The following ANKS3 variants were observed in gnomAD, a reference collection of about 807,000 sequenced individuals.
The protein encoded by ANKS3 is ankyrin repeat and sterile alpha motif domain containing 3, also known as ankyrin repeat and SAM domain-containing protein 3.
In ANKS3, 62 loss-of-function variants were observed where a neutral mutation model predicts 80.7. That is an observed-to-expected ratio of 0.77 (90% CI 0.63 to 0.95). The LOEUF is 0.95. Ranked by LOEUF, ANKS3 falls within the 40% of genes least tolerant of loss-of-function variation. ANKS3 has a pLI of 0.00. For missense variants in ANKS3, 1,150 were observed against 883.6 expected, an observed-to-expected ratio of 1.30 and a Z score of -3.82; for synonymous variants, 489 against 355.3, an observed-to-expected ratio of 1.38 and a Z score of -4.23.
chr16:4,701,493 T>C lies in ANKS3; in HGVS notation c.1060A>G (p.Ser354Gly). ...CCCTGGGCTCTGGCCAGGCCCTCGC[T>C]GCTGCTGCTGCTCTGGACGGGCCCC... Reference protein sequence around the residue: ...NLGPVQSSSSSEGLARAQGLS... With the variant: ...NLGPVQSSSSGEGLARAQGLS... Residue 354 changes from serine (S) to glycine (G), a missense_variant, in exon 10 of 18, where the codon AGC becomes GGC. Ser to Gly is a moderately conservative substitution (Grantham distance 56). Transcript: ENST00000304283. 6.2e-7 allele frequency: 1 copy of C among 1,609,282 alleles called. No individual in the cohort carries two copies. Among genetic ancestry groups the C allele is most frequent in the Non-Finnish European group, 8.5e-7 (1 of 1,177,342 alleles).
At chr16:4,722,215 A>G (rs1483235923) in intron 6 of ANKS3, among the ~76,000 whole-genome samples, 1 of 151,338 alleles carries the variant, frequency 6.6e-6, no homozygotes, top group East Asian at 1.9e-4. Flanking sequence ...AGAAATTCCC[A>G]CCAATAAGTG....
At position 4,713,076 on chromosome 16, in the gene ANKS3, C is replaced by G. The variant is rs542582951; in HGVS notation, c.709+975G>C. ...CCTGAGGTTGCGAGTTCTAGACCAG[C>G]CTGACCAACATGGAGAAACCCCATC... On this transcript the variant is annotated intron_variant, in intron 7 of 17. Coordinates refer to ENST00000304283, the MANE Select transcript of ANKS3 (RefSeq NM_133450.4). 4.6e-5 allele frequency among the ~76,000 whole-genome samples: 7 copies of G among 152,126 alleles called. No homozygotes were observed. The South Asian group carries it at 1.5e-3, about 32-fold the overall frequency.
At chr16:4,699,513 T>C (rs2079781645) in intron 11 of ANKS3, 1 of 294,432 alleles carries the variant, frequency 3.4e-6, no homozygotes, top group African/African-American at 2.1e-5. Flanking sequence ...CCTCTAATTC[T>C]AGAGTCTCAG....
At chr16:4,699,206 G>C (rs772086923) in intron 11 of ANKS3, 30 bp from the exon 12 acceptor site, 29 of 1,611,682 alleles carry the variant, frequency 1.8e-5, no homozygotes, top group African/African-American at 2.7e-5. Flanking sequence ...GGTTGGGGGA[G>C]GTAGTGGCTG....
intron 6 of ANKS3, among the ~76,000 whole-genome samples, chr16:4,721,541 G>A (rs1000317532): frequency 6.6e-5 from 10 of 151,216 alleles, no homozygotes; most frequent in Non-Finnish European, 1.5e-4. Context: ...AGACCAGGAG[G>A]TCAAGGCTGC....
chr16:4,698,579 G>T lies in ANKS3; in HGVS notation c.1572C>A (p.Ala524=). The change falls in exon 14 of 18, where the codon GCC becomes GCA. Residue 524 remains alanine (A), a synonymous_variant. Coordinates refer to ENST00000304283, the MANE Select transcript of ANKS3 (RefSeq NM_133450.4). ...GCTCCTGACACACCTGGCCCCGCGTGGCCTCTACCTCCTCGCAGCGCTGCA... is the reference window on the plus strand; with the variant it reads ...GCTCCTGACACACCTGGCCCCGCGTTGCCTCTACCTCCTCGCAGCGCTGCA... ...QLHKRCEEVE[A]TRGQVCQEQE... is the part of the protein sequence containing the mutation. 1 of 1,574,808 alleles carries T rather than the reference G, an allele frequency of 6.3e-7. No individual in the cohort carries two copies.
intron 1 of ANKS3, 24 bp from the exon 2 acceptor site, chr16:4,731,603 AT>A: frequency 1.1e-6 from 1 of 918,374 alleles, no homozygotes; most frequent in Non-Finnish European, 1.3e-6. Context: ...ATATAAATTA[AT>A]TTTTCTGGAA....
At chr16:4,709,450 A>C (rs953506470) in intron 7 of ANKS3, among the ~76,000 whole-genome samples, 9 of 152,126 alleles carry the variant, frequency 5.9e-5, no homozygotes, top group African/African-American at 2.2e-4. Flanking sequence ...GAGATCCAGC[A>C]ATTCCACTAC....
chr16:4,715,028 C>T (rs1596400335), intron 6 of ANKS3, among the ~76,000 whole-genome samples: 1 of 139,618 alleles, frequency 7.2e-6, no homozygotes, highest in South Asian at 2.2e-4. Context: ...ATGTTTGGCA[C>T]AGCATATTCA....
intron 6 of ANKS3, among the ~76,000 whole-genome samples, chr16:4,718,398 G>A (rs1014989041): frequency 1.3e-5 from 2 of 152,198 alleles, no homozygotes; most frequent in African/African-American, 4.8e-5. Flanking sequence ...CTCTTAAAGA[G>A]AGAGGCCCAG....
At chr16:4,716,854 G>A (rs2080827733) in intron 6 of ANKS3, among the ~76,000 whole-genome samples, 1 of 152,150 alleles carries the variant, frequency 6.6e-6, no homozygotes, top group Non-Finnish European at 1.5e-5. Flanking sequence ...GGCGGAGGTT[G>A]CAGTGAGCTG....
chr16:4,727,222 T>C (rs764331253), intron 3 of ANKS3, 45 bp from the exon 4 acceptor site: 22 of 1,598,268 alleles, frequency 1.4e-5, no homozygotes, highest in Non-Finnish European at 1.9e-5. Context: ...CCGCCTCGCA[T>C]GTGGGGTTCA....
chr16:4,732,332 C>G (rs1019510982), intron 1 of ANKS3, among the ~76,000 whole-genome samples: 9 of 152,136 alleles, frequency 5.9e-5, no homozygotes, highest in African/African-American at 2.2e-4. Context: ...CAAGCCTTCA[C>G]TGGGCATGTC....
At chr16:4,706,963 T>A (rs908616302) in intron 7 of ANKS3, among the ~76,000 whole-genome samples, 1 of 152,182 alleles carries the variant, frequency 6.6e-6, no homozygotes, top group African/African-American at 2.4e-5. Context: ...TGGGCCACTC[T>A]GTCCTTCCCC....
chr16:4,704,710 C>G (rs1458505287), intron 8 of ANKS3, among the ~76,000 whole-genome samples: 1 of 152,352 alleles, frequency 6.6e-6, no homozygotes. Flanking sequence ...GCAGCGCACC[C>G]GACCCAGCTG....
chr16:4,722,931 A>G (rs1265304178), intron 6 of ANKS3, among the ~76,000 whole-genome samples: 1 of 146,476 alleles, frequency 6.8e-6, no homozygotes, highest in East Asian at 2.0e-4. Context: ...TCTGTCTCCA[A>G]AAAAAAAAAA....
chr16:4,710,717 A>C (rs2080439780), intron 7 of ANKS3, among the ~76,000 whole-genome samples: 1 of 152,224 alleles, frequency 6.6e-6, no homozygotes, highest in South Asian at 2.1e-4. Context: ...CACAAAAAAT[A>C]AATCAATATT....
At chr16:4,723,143 T>C (rs953534423) in intron 6 of ANKS3, among the ~76,000 whole-genome samples, 2 of 152,126 alleles carry the variant, frequency 1.3e-5, no homozygotes, top group African/African-American at 4.8e-5. Context: ...CTTCCCCCCA[T>C]TGGGTTTAAC....
At chr16:4,726,424 G>A (rs907210458) in intron 5 of ANKS3, among the ~76,000 whole-genome samples, 1 of 152,224 alleles carries the variant, frequency 6.6e-6, no homozygotes, top group Non-Finnish European at 1.5e-5. Flanking sequence ...ACAACTGTAT[G>A]ACCCAGGTGG....
Sources: allele counts gnomAD v4.1 joint callset (sites outside exome capture counted in the v4.1 genomes callset), GRCh38; gene constraint gnomAD v4.1.1; transcripts MANE v1.5; gene names NCBI Gene and HGNC (gene_info 2026-07-23, HGNC 2026-07-21).